PARVG: variants seen among roughly 807,000 people sequenced by gnomAD.
PARVG encodes parvin gamma.
A neutral mutation model predicts 44.4 loss-of-function variants in PARVG; 36 were observed. The observed-to-expected ratio is 0.81, with a 90% CI of 0.62 to 1.07. PARVG has a LOEUF of 1.07. Among genes scored for constraint, PARVG ranks in the 50% least tolerant of loss-of-function variants. The pLI is 0.00. For synonymous variants in PARVG, 170 were observed against 174.1 expected, an observed-to-expected ratio of 0.98 and a Z score of 0.19; for missense variants, 407 against 407.4, an observed-to-expected ratio of 1.00 and a Z score of 0.01.
chr22:44,181,230 T>G, intron 1 of PARVG, 45 bp downstream of exon 1: 2 of 649,226 alleles, frequency 3.1e-6, no homozygotes, highest in Non-Finnish European at 3.8e-6. Flanking sequence ...ACAGCCTGGA[T>G]TTTATTTTAA....
rs1053732164 is a variant in PARVG at position 44,182,548 on chromosome 22, C to T, written c.-13+631C>T. Among the ~76,000 whole-genome samples, 2 of 152,194 alleles carry T rather than the reference C, an allele frequency of 1.3e-5. No individual in the cohort carries two copies. Among genetic ancestry groups the T allele is most frequent in the African/African-American group, 2.4e-5 (1 of 41,452 alleles). Reference sequence around the variant, plus strand: ...CCTCCGTCTCCCACAGCTCAGGGGGCTCCCTGCTCTGGCCACCAACTTCTG... The same window carrying T: ...CCTCCGTCTCCCACAGCTCAGGGGGTTCCCTGCTCTGGCCACCAACTTCTG... On this transcript the variant is annotated intron_variant, in intron 2 of 13. Coordinates refer to ENST00000444313, the MANE Select transcript of PARVG (RefSeq NM_022141.7). This position sits in a 1 kb window ranked among gnomAD's most constrained non-coding sequence, Gnocchi z 4.6.
intron 12 of PARVG, among the ~76,000 whole-genome samples, chr22:44,198,925 C>CCCAT (rs1377821104): frequency 1.1e-4 from 5 of 46,306 alleles, no homozygotes; most frequent in Admixed American, 4.3e-4. Context: ...CATCCATCTA[C>CCCAT]CCATCCATCC....
At chr22:44,186,344 C>G (rs2054469831) in intron 4 of PARVG, 1 of 339,484 alleles carries the variant, frequency 2.9e-6, no homozygotes, top group Admixed American at 3.8e-5. Flanking sequence ...TAGTTCTCTC[C>G]TTGGTCATGG....
intron 12 of PARVG, among the ~76,000 whole-genome samples, chr22:44,204,534 C>G (rs896089546): frequency 6.6e-6 from 1 of 152,216 alleles, no homozygotes; most frequent in African/African-American, 2.4e-5. Context: ...TCCTCTTGCT[C>G]GGGCCATCCA....
At position 44,173,066 on chromosome 22, in the gene PARVG, C is replaced by A. The variant is rs956021849; in HGVS notation, c.-314C>A. ...CTCCACCCAGCGCTGCTTCCCGGGACCTTCCAATTGGACAGGAGCTGGGGG... is the reference window on the plus strand; with the variant it reads ...CTCCACCCAGCGCTGCTTCCCGGGAACTTCCAATTGGACAGGAGCTGGGGG... On this transcript the variant is annotated 5_prime_UTR_variant, in exon 1 of 14. Transcript: ENST00000422871. 10 of 1,289,652 alleles carry A rather than the reference C, an allele frequency of 7.8e-6. No homozygotes were observed. The Admixed American group carries it at 1.1e-4, about 15-fold the overall frequency. The allele number at this position is 1,289,652 out of a possible 1,614,324, so 79.9% of individuals were successfully genotyped here.
intron 4 of PARVG, chr22:44,186,753 G>A (rs1176490868): frequency 4.6e-6 from 2 of 436,808 alleles, no homozygotes; most frequent in Middle Eastern, 6.6e-4. Flanking sequence ...TCATGGGAGG[G>A]AAGGGGCCAA....
intron 5 of PARVG, 86 bp from the exon 6 acceptor site, chr22:44,189,028 G>C (rs768190333): frequency 7.7e-6 from 12 of 1,563,014 alleles, no homozygotes; most frequent in Non-Finnish European, 1.0e-5. Context: ...TGAAGCACCA[G>C]GCAGGCTCAG....
At position 44,206,326 on chromosome 22, in the gene PARVG, A is replaced by G. The variant is rs1432219476; in HGVS notation, c.896A>G (p.Asn299Ser). 1.2e-6 allele frequency: 2 copies of G among 1,613,414 alleles called. No homozygotes were observed. The highest frequency in any genetic ancestry group is 3.3e-5 in the Admixed American group (2 of 59,982). ...SCPVSPEDIV[N>S]KDAKSTLRVL... ...CTCCTTTGGCCCGCAGATATCGTGAACAAGGATGCCAAGAGCACACTGAGG... is the reference window on the plus strand; with the variant it reads ...CTCCTTTGGCCCGCAGATATCGTGAGCAAGGATGCCAAGAGCACACTGAGG... Residue 299 changes from asparagine (N) to serine (S), a missense_variant, in exon 14 of 14, where the codon AAC (asparagine) becomes AGC (serine). Coordinates refer to ENST00000444313, the MANE Select transcript of PARVG (RefSeq NM_022141.7).
intron 12 of PARVG, among the ~76,000 whole-genome samples, chr22:44,199,705 G>A (rs1428949048): frequency 6.6e-6 from 1 of 152,230 alleles, no homozygotes; most frequent in African/African-American, 2.4e-5. Context: ...GCATCAGAGG[G>A]GAGCCGGGAA....
chr22:44,176,148 C>T (rs908361336), upstream of PARVG, among the ~76,000 whole-genome samples: 1 of 152,162 alleles, frequency 6.6e-6, no homozygotes, highest in Admixed American at 6.5e-5. Flanking sequence ...CAGGGAAGCA[C>T]AGTTGTCCCT....
intron 11 of PARVG, among the ~76,000 whole-genome samples, chr22:44,196,922 T>C (rs1171345898): frequency 3.9e-5 from 6 of 152,008 alleles, no homozygotes; most frequent in Non-Finnish European, 5.9e-5. Flanking sequence ...TCTCAGGGGG[T>C]CAGCACCCAC....
chr22:44,188,946 C>A, intron 5 of PARVG, 168 bp from the exon 6 acceptor site: 1 of 765,786 alleles, frequency 1.3e-6, no homozygotes, highest in South Asian at 1.9e-5. Context: ...AGCTGGAGGG[C>A]ATACCCGATT....
At chr22:44,205,657 T>G in intron 12 of PARVG, 100 bp from the exon 13 acceptor site, 2 of 1,404,604 alleles carry the variant, frequency 1.4e-6, no homozygotes, top group African/African-American at 1.4e-5. Flanking sequence ...AGGCTCATGA[T>G]GGACATCACA....
At chr22:44,196,440 C>T (rs764671552) in intron 11 of PARVG, 25 bp downstream of exon 11, 1 of 1,613,268 alleles carries the variant, frequency 6.2e-7, no homozygotes, top group East Asian at 2.2e-5. Context: ...GCGGCGTCCC[C>T]AGGCAGGGCA....
intron 1 of PARVG, 188 bp downstream of exon 1, chr22:44,181,373 A>G: frequency 1.0e-6 from 1 of 985,296 alleles, no homozygotes; most frequent in Non-Finnish European, 1.2e-6. Flanking sequence ...GAGTCCAGGT[A>G]GGAGTCTCCT....
chr22:44,206,285 G>T lies in PARVG; in HGVS notation c.887-32G>T. 3 of 1,550,562 alleles carry T rather than the reference G, an allele frequency of 1.9e-6. No homozygotes were observed. The South Asian group carries it at 3.3e-5, about 17-fold the overall frequency. On this transcript the variant is annotated intron_variant, in intron 13 of 13. Transcript: ENST00000444313. ...CAGTCGGTCACTGCCACCCAGGCCT[G>T]ACTGGCTGCCCTGCCCTCCTTTGGC...
upstream of PARVG, among the ~76,000 whole-genome samples, chr22:44,178,052 C>G (rs549868024): frequency 9.5e-4 from 144 of 152,272 alleles, no homozygotes; most frequent in Non-Finnish European, 1.6e-3. Context: ...ATTGGACATG[C>G]CTTTGCTCCC....
Position 44,182,298 on chromosome 22 carries a change from C to T in PARVG, c.-13+381C>T, listed in dbSNP as rs1019833437. ...CAGAGAGGGCAGGGGGTTTGCCCAA[C>T]GTCACACAGCCTGAGTGAGGAGGAG... On this transcript the variant is annotated intron_variant, in intron 2 of 13. Transcript: ENST00000444313. This position sits in a 1 kb window ranked among gnomAD's most constrained non-coding sequence, Gnocchi z 4.6. 9.2e-5 allele frequency among the ~76,000 whole-genome samples: 14 copies of T among 152,234 alleles called. No homozygotes were observed. The highest frequency in any genetic ancestry group is 8.5e-4 in the Admixed American group (13 of 15,282).
chr22:44,187,749 C>A, intron 4 of PARVG, 27 bp from the exon 5 acceptor site: 1 of 1,612,806 alleles, frequency 6.2e-7, no homozygotes, highest in Non-Finnish European at 8.5e-7. Context: ...TCCATCCCCC[C>A]AAAAGTTGTC....
Sources: allele counts gnomAD v4.1 joint callset (sites outside exome capture counted in the v4.1 genomes callset), GRCh38; gene constraint gnomAD v4.1.1; non-coding constraint Gnocchi (gnomAD v3.1); transcripts MANE v1.5; gene names NCBI Gene and HGNC (gene_info 2026-07-23, HGNC 2026-07-21).